Variants in DMRT1 observed in about 807,000 individuals in gnomAD.
DMRT1 encodes doublesex and mab-3 related transcription factor 1.
Under a neutral mutation model 32.3 loss-of-function variants are expected in DMRT1, and 7 were observed. The observed-to-expected ratio is 0.22, with a 90% confidence interval of 0.12 to 0.41. The LOEUF is 0.41. Ranked by LOEUF, DMRT1 falls within the 10% of genes least tolerant of loss-of-function variation. The probability of loss-of-function intolerance (pLI) is 1.00; values close to 1 mark genes in which losing one functional copy is unlikely to be tolerated. For synonymous variants in DMRT1, 278 were observed against 206.1 expected (o/e 1.35, Z -2.99); for missense variants, 625 against 500.5 (o/e 1.25, Z -2.37).
chr9:897,885 T>A (rs974787283), intron 3 of DMRT1, among the ~76,000 whole-genome samples: 1 of 152,152 alleles, frequency 6.6e-6, no homozygotes, highest in Non-Finnish European at 1.5e-5. Context: ...TATGAATGTG[T>A]ATGGATTGAT....
chr9:875,992 G>C (rs145915229), intron 2 of DMRT1, among the ~76,000 whole-genome samples: 2 of 152,198 alleles, frequency 1.3e-5, no homozygotes, highest in Non-Finnish European at 2.9e-5. Context: ...CTGGGAACTC[G>C]AGTTCCCGCC....
chr9:846,407 C>A (rs16924784), intron 1 of DMRT1, among the ~76,000 whole-genome samples: 24 of 151,984 alleles, frequency 1.6e-4, no homozygotes, highest in African/African-American at 5.1e-4. Flanking sequence ...AGTACAGTGG[C>A]CTTTTACAAG....
In DMRT1 at chr9:894,204, T is replaced by C. The variant is rs1817263932; in HGVS notation, c.822+9T>C. On this transcript the variant is annotated intron_variant, in intron 3 of 4. Transcript: ENST00000382276. Reference sequence around the variant, plus strand: ...CAGGAAACCAGTGGCAGGTATGATATTAATTACCCAGAGAGTGAACTGGTT... The same window carrying C: ...CAGGAAACCAGTGGCAGGTATGATACTAATTACCCAGAGAGTGAACTGGTT... 6.2e-7 allele frequency: 1 copy of C among 1,612,526 alleles called. No homozygotes were observed. Among genetic ancestry groups the C allele is most frequent in the Admixed American group, 1.7e-5 (1 of 60,002 alleles).
chr9:872,509 C>T (rs547061393), intron 2 of DMRT1, among the ~76,000 whole-genome samples: 1 of 152,302 alleles, frequency 6.6e-6, no homozygotes, highest in African/African-American at 2.4e-5. Context: ...CTCTGGTAAC[C>T]ACTAGCCTAC....
intron 4 of DMRT1, among the ~76,000 whole-genome samples, chr9:939,184 T>G (rs1818980654): frequency 6.6e-6 from 1 of 152,260 alleles, no homozygotes; most frequent in African/African-American, 2.4e-5. Flanking sequence ...CTGTCTGTCC[T>G]AGATAGTTCA....
intron 4 of DMRT1, among the ~76,000 whole-genome samples, chr9:950,822 G>A (rs1028974886): frequency 6.6e-6 from 1 of 152,050 alleles, no homozygotes; most frequent in Non-Finnish European, 1.5e-5. Context: ...CTGTTTTCTT[G>A]GACTTCCTTT....
At chr9:851,873 CTT>C (rs1283715278) in intron 2 of DMRT1, among the ~76,000 whole-genome samples, 1 of 151,130 alleles carries the variant, frequency 6.6e-6, no homozygotes, top group Non-Finnish European at 1.5e-5. Flanking sequence ...AAGAAATAGT[CTT>C]TTGAAGAAAT....
At chr9:921,208 A>C (rs1055908743) in intron 4 of DMRT1, among the ~76,000 whole-genome samples, 1 of 152,010 alleles carries the variant, frequency 6.6e-6, no homozygotes, top group African/African-American at 2.4e-5. Flanking sequence ...TTCTGTCTCT[A>C]TAGATTTGCC....
At chr9:862,572 C>G (rs1041529959) in intron 2 of DMRT1, among the ~76,000 whole-genome samples, 2 of 151,990 alleles carry the variant, frequency 1.3e-5, no homozygotes, top group East Asian at 1.9e-4. Context: ...TATCTCTGCT[C>G]TTGTGTGGTG....
At chr9:939,434 A>G (rs1818990416) in intron 4 of DMRT1, among the ~76,000 whole-genome samples, 1 of 152,240 alleles carries the variant, frequency 6.6e-6, no homozygotes, top group African/African-American at 2.4e-5. Flanking sequence ...GATATTTCCA[A>G]AATGAATGAC....
intron 4 of DMRT1, 114 bp downstream of exon 4, chr9:917,021 T>C: frequency 8.4e-7 from 1 of 1,190,620 alleles, no homozygotes; most frequent in Non-Finnish European, 1.2e-6. Flanking sequence ...GAAATTTTAT[T>C]GCTGTGTGAA....
chr9:947,619 C>T (rs1445891280), intron 4 of DMRT1, among the ~76,000 whole-genome samples: 1 of 152,076 alleles, frequency 6.6e-6, no homozygotes, highest in East Asian at 1.9e-4. Context: ...AACCCCTTCA[C>T]TTTATTTTTA....
At chr9:890,247 C>T (rs142486285) in intron 2 of DMRT1, among the ~76,000 whole-genome samples, 88 of 152,052 alleles carry the variant, frequency 5.8e-4, no homozygotes, top group African/African-American at 1.0e-3. Context: ...GCACCCGGCC[C>T]AAACTGATGT....
Position 898,566 on chromosome 9 carries a change from A to G in DMRT1, c.822+4371A>G, listed in dbSNP as rs370588750. Reference sequence around the variant, plus strand: ...TGGTGGCAGCTTCCTAGGAGAGGGCAGAGTCGGGGGCTCTTCTTTGGTTGC... The same window carrying G: ...TGGTGGCAGCTTCCTAGGAGAGGGCGGAGTCGGGGGCTCTTCTTTGGTTGC... On this transcript the variant is annotated intron_variant, in intron 3 of 4. Coordinates refer to ENST00000382276, the MANE Select transcript of DMRT1 (RefSeq NM_021951.3). 1.1e-4 allele frequency among the ~76,000 whole-genome samples: 17 copies of G among 152,294 alleles called. No homozygotes were observed. The East Asian group carries it at 3.3e-3, about 29-fold the overall frequency.
chr9:892,701 G>A (rs960266070), intron 2 of DMRT1, among the ~76,000 whole-genome samples: 18 of 152,052 alleles, frequency 1.2e-4, no homozygotes, highest in Non-Finnish European at 2.4e-4. Context: ...AGCTCTGACC[G>A]TGTAACCTCC....
chr9:939,702 C>A (rs965059304), intron 4 of DMRT1, among the ~76,000 whole-genome samples: 1 of 152,094 alleles, frequency 6.6e-6, no homozygotes, highest in African/African-American at 2.4e-5. Flanking sequence ...TACAAGCTCA[C>A]GGGGGGAAAA....
chr9:845,358 C>A (rs188207433), intron 1 of DMRT1, among the ~76,000 whole-genome samples: 1 of 152,104 alleles, frequency 6.6e-6, no homozygotes, highest in African/African-American at 2.4e-5. Flanking sequence ...CAGGCGCACA[C>A]CACCATGCCT....
chr9:906,544 G>T (rs1817784041), intron 3 of DMRT1, among the ~76,000 whole-genome samples: 1 of 152,178 alleles, frequency 6.6e-6, no homozygotes. Flanking sequence ...TGGGTCACTA[G>T]TTTTGTCTAA....
Position 968,975 on chromosome 9 carries a change from T to A in DMRT1, c.*836T>A, listed in dbSNP as rs1454254282. Reference sequence around the variant, plus strand: ...AGTTCATGATTTTGTTAAAAATTGCTATGGAGTACTTTGTTATATAACAGA... The same window carrying A: ...AGTTCATGATTTTGTTAAAAATTGCAATGGAGTACTTTGTTATATAACAGA... On this transcript the variant is annotated 3_prime_UTR_variant, in exon 5 of 5. Transcript: ENST00000382276. 6.5e-6 allele frequency: 1 copy of A among 152,676 alleles called. No homozygotes were observed. Among genetic ancestry groups the A allele is most frequent in the African/African-American group, 2.4e-5 (1 of 41,462 alleles). 9.5% of individuals were successfully genotyped at this position (152,676 alleles called of 1,614,324 possible). A position where few individuals can be genotyped will look rare whatever the true frequency, so the allele number is the denominator to read the frequency against.
Sources: gnomAD v4.1 joint callset for allele counts (sites outside exome capture counted in the v4.1 genomes callset) on GRCh38, gnomAD v4.1.1 for gene constraint, MANE v1.5 for transcripts, NCBI Gene and HGNC (gene_info 2026-07-23, HGNC 2026-07-21) for gene names.